Variants in MYO1D observed in about 807,000 individuals in gnomAD.
MYO1D encodes myosin ID, also known as unconventional myosin-Id.
MYO1D carries 83 observed loss-of-function variants against 122.0 expected under a neutral mutation model. That is an observed-to-expected ratio of 0.68 (90% CI 0.57 to 0.82). MYO1D has a LOEUF of 0.82. Ranked by LOEUF, MYO1D falls within the 40% of genes least tolerant of loss-of-function variation. The pLI, the probability that MYO1D is intolerant of heterozygous loss-of-function variation, is 0.00. For missense variants in MYO1D, 1,157 were observed against 1,269.5 expected, an observed-to-expected ratio of 0.91 and a Z score of 1.35; for synonymous variants, 464 against 446.9, an observed-to-expected ratio of 1.04 and a Z score of -0.48.
chr17:32,772,649 C>T (rs1252316041), intron 5 of MYO1D, 140 bp downstream of exon 5: 14 of 694,204 alleles, frequency 2.0e-5, no homozygotes, highest in Admixed American at 6.3e-5. Context: ...GTGGTGCGTG[C>T]GTGCGTGCGT....
chr17:32,541,403 T>C lies in MYO1D; in HGVS notation c.2865-46488A>G, dbSNP rs147667632. On this transcript the variant is annotated intron_variant, in intron 21 of 21. Coordinates refer to ENST00000318217, the MANE Select transcript of MYO1D (RefSeq NM_015194.3). Reference sequence around the variant, plus strand: ...TAGGCAAAGCTACAGGGGCAGAAAGTAGATTAGTGATTGCCTAGAGTTGGG... The same window carrying C: ...TAGGCAAAGCTACAGGGGCAGAAAGCAGATTAGTGATTGCCTAGAGTTGGG... Among the ~76,000 whole-genome samples the C allele has an allele frequency of 2.0e-5, 3 of 152,238 alleles. No homozygotes were observed. In the East Asian group the frequency reaches 5.8e-4, roughly 29 times the overall value.
chr17:32,655,551 G>A (rs1432999047), intron 17 of MYO1D, among the ~76,000 whole-genome samples: 3 of 152,124 alleles, frequency 2.0e-5, no homozygotes, highest in African/African-American at 4.8e-5. Flanking sequence ...CTGGTCATAC[G>A]GAGACCTGCA....
intron 11 of MYO1D, among the ~76,000 whole-genome samples, chr17:32,750,508 G>A (rs779818128): frequency 4.6e-5 from 7 of 152,046 alleles, no homozygotes; most frequent in Admixed American, 1.3e-4. Flanking sequence ...CCAGCTACTC[G>A]GGAGGCTGAG....
chr17:32,593,306 T>C (rs894815008), intron 21 of MYO1D, among the ~76,000 whole-genome samples: 1 of 152,180 alleles, frequency 6.6e-6, no homozygotes, highest in East Asian at 1.9e-4. Flanking sequence ...GATGTGAAGA[T>C]GAGAGATGGA....
chr17:32,707,199 G>A (rs2089320317), intron 16 of MYO1D, among the ~76,000 whole-genome samples: 1 of 151,944 alleles, frequency 6.6e-6, no homozygotes, highest in Non-Finnish European at 1.5e-5. Context: ...GGAAAAGGAT[G>A]AACAACCCAA....
At position 32,816,720 on chromosome 17, in the gene MYO1D, A is replaced by G. The variant is rs138280105; in HGVS notation, c.96-35936T>C. Among the ~76,000 whole-genome samples the G allele has an allele frequency of 8.5e-4, 130 of 152,342 alleles. 2 individuals carry two copies. The East Asian group carries it at 0.024, about 28-fold the overall frequency. On this transcript the variant is annotated intron_variant, in intron 1 of 21. Transcript: ENST00000318217. ...ATTGTTTTTATATTAAGTGGTCTAA[A>G]TCTAATAAATGGATGCACTCACCTC...
chr17:32,514,239 CAAAAAAAAAAAAAAA>C (rs61570449), intron 21 of MYO1D, among the ~76,000 whole-genome samples: 43 of 60,290 alleles, frequency 7.1e-4, no homozygotes, highest in Middle Eastern at 0.02. Context: ...GACTTTGTCT[CAAAAAAAAAAAAAAA>C]AAAAAAAAAA....
At chr17:32,829,423 TA>T (rs2090752214) in intron 1 of MYO1D, among the ~76,000 whole-genome samples, 1 of 152,226 alleles carries the variant, frequency 6.6e-6, no homozygotes, top group Admixed American at 6.5e-5. Context: ...AATTACTTTC[TA>T]GGGGTAGGAA....
chr17:32,838,974 A>C (rs939752807), intron 1 of MYO1D, among the ~76,000 whole-genome samples: 3 of 152,224 alleles, frequency 2.0e-5, no homozygotes, highest in Non-Finnish European at 4.4e-5. Context: ...TATATGAAAA[A>C]TTACAACTTG....
intron 16 of MYO1D, among the ~76,000 whole-genome samples, chr17:32,686,987 A>G (rs944352490): frequency 6.7e-6 from 1 of 149,960 alleles, no homozygotes; most frequent in Non-Finnish European, 1.5e-5. Flanking sequence ...ACACACACAC[A>G]CACACACACA....
chr17:32,593,680 G>A (rs1046469748), intron 21 of MYO1D, among the ~76,000 whole-genome samples: 2 of 152,234 alleles, frequency 1.3e-5, no homozygotes, highest in Admixed American at 6.5e-5. Context: ...GCTCATGCCT[G>A]TAATCCCAGC....
intron 20 of MYO1D, among the ~76,000 whole-genome samples, chr17:32,622,745 G>A (rs1241046084): frequency 6.6e-6 from 1 of 152,144 alleles, no homozygotes; most frequent in Admixed American, 6.5e-5. Context: ...GTTTGCAAGG[G>A]GGCAAAGAGC....
chr17:32,678,316 G>A lies in MYO1D; in HGVS notation c.2122-18978C>T, dbSNP rs536873285. On this transcript the variant is annotated intron_variant, in intron 16 of 21. Transcript: ENST00000318217. The stretch of plus-strand genomic sequence containing the variant: ...GTACATGTGCACATTGTGCAGGTTA[G>A]TTACATATGCATACATGTGCCATGC... 4.0e-5 allele frequency among the ~76,000 whole-genome samples: 6 copies of A among 150,940 alleles called. No homozygotes were observed. In the South Asian group the frequency reaches 6.3e-4, roughly 16 times the overall value.
intron 21 of MYO1D, among the ~76,000 whole-genome samples, chr17:32,567,996 C>A (rs970759801): frequency 1.3e-5 from 2 of 152,052 alleles, no homozygotes; most frequent in African/African-American, 4.8e-5. Flanking sequence ...GCAAGACTAG[C>A]AAAACAATGC....
chr17:32,694,286 C>A lies in MYO1D; in HGVS notation c.2121+17702G>T, dbSNP rs2150976043. Among the ~76,000 whole-genome samples, 3 of 90,142 alleles carry A rather than the reference C, an allele frequency of 3.3e-5. No individual in the cohort carries two copies. The South Asian group carries it at 1.3e-3, about 40-fold the overall frequency. 59.1% of individuals were successfully genotyped at this position (90,142 alleles called of 152,430 possible). On this transcript the variant is annotated intron_variant, in intron 16 of 21. Coordinates refer to ENST00000318217, the MANE Select transcript of MYO1D (RefSeq NM_015194.3). ...ATTGGTTTTTCTTCTACACTCTGAG[C>A]TCATCCTGACCCAACTTTAACATGC...
intron 21 of MYO1D, among the ~76,000 whole-genome samples, chr17:32,574,085 C>T (rs1457508254): frequency 6.6e-6 from 1 of 152,012 alleles, no homozygotes; most frequent in African/African-American, 2.4e-5. Context: ...ATCTCCTGAC[C>T]TCGTGATCCG....
intron 17 of MYO1D, 74 bp from the exon 18 acceptor site, chr17:32,654,695 TC>T: frequency 1.5e-6 from 2 of 1,375,816 alleles, no homozygotes; most frequent in Non-Finnish European, 1.9e-6. Flanking sequence ...TTTTTTTTTT[TC>T]TTTTTTGAGT....
chr17:32,628,308 T>A (rs766053681), intron 20 of MYO1D, among the ~76,000 whole-genome samples: 1 of 152,196 alleles, frequency 6.6e-6, no homozygotes, highest in Admixed American at 6.5e-5. Flanking sequence ...CTAACCTTAG[T>A]GTGCAATATT....
intron 14 of MYO1D, among the ~76,000 whole-genome samples, chr17:32,732,919 G>T (rs750727857): frequency 3.3e-5 from 5 of 152,176 alleles, no homozygotes; most frequent in Non-Finnish European, 7.3e-5. Context: ...AAGCTTCTGG[G>T]CACCACTGCA....
Sources: allele counts gnomAD v4.1 joint callset (sites outside exome capture counted in the v4.1 genomes callset), GRCh38; gene constraint gnomAD v4.1.1; transcripts MANE v1.5; gene names NCBI Gene and HGNC (gene_info 2026-07-23, HGNC 2026-07-21).